Variants in CLIP1 observed in about 807,000 individuals in gnomAD.
The protein encoded by CLIP1 is CAP-Gly domain-containing linker protein 1.
A neutral mutation model predicts 161.6 loss-of-function variants in CLIP1; 66 were observed. The observed-to-expected ratio is 0.41, with a 90% CI of 0.33 to 0.50. CLIP1 has a LOEUF of 0.50. Ranked by LOEUF, CLIP1 falls within the 20% of genes least tolerant of loss-of-function variation. CLIP1 has a pLI of 0.27. For synonymous variants in CLIP1, 598 were observed against 626.2 expected, an observed-to-expected ratio of 0.96 and a Z score of 0.67; for missense variants, 1,376 against 1,702.0, an observed-to-expected ratio of 0.81 and a Z score of 3.37.
At chr12:122,356,880 T>G (rs1343833166) in intron 5 of CLIP1, among the ~76,000 whole-genome samples, 1 of 152,234 alleles carries the variant, frequency 6.6e-6, no homozygotes. Flanking sequence ...CTGCGAGTGA[T>G]CCGCCAGCCT....
At position 122,347,360 on chromosome 12, in the gene CLIP1, A is replaced by T; in HGVS notation, c.1506+15T>A. On this transcript the variant is annotated intron_variant, in intron 10 of 25. Coordinates refer to ENST00000620786, the MANE Select transcript of CLIP1 (RefSeq NM_001247997.2). ...CATGCATGGGTCTGCTTCATTAAAT[A>T]GTGAAAACCATTACCCTAGTGTCTT... The T allele has an allele frequency of 6.4e-7, 1 of 1,557,222 alleles. No individual in the cohort carries two copies. The highest frequency in any genetic ancestry group is 1.4e-5 in the African/African-American group (1 of 73,972).
Position 122,377,523 on chromosome 12 carries a change from C to G in CLIP1, c.523G>C (p.Ala175Pro). The G allele has an allele frequency of 6.2e-7, 1 of 1,613,988 alleles. No individual in the cohort carries two copies. The highest frequency in any genetic ancestry group is 8.5e-7 in the Non-Finnish European group (1 of 1,180,022). The change falls in exon 3 of 26, where the codon GCA becomes CCA. Residue 175 changes from alanine (A) to proline (P), a missense_variant. Physicochemically the swap from Ala to Pro is conservative, Grantham distance 27. This residue lies in a region of CLIP1 where 119 missense variants were observed against 112.0 expected (regional missense o/e 1.06). Transcript: ENST00000620786. ...SNIPQKPSQPAAKEPSATPPI... is the reference protein window; with the variant it reads ...SNIPQKPSQPPAKEPSATPPI... ...GGCGTAGCTGAAGGTTCCTTTGCTG[C>G]TGGCTGTGATGGTTTCTGAGGGATG... is the stretch of plus-strand genomic sequence containing the variant.
chr12:122,333,744 A>T (rs191474003), intron 14 of CLIP1, among the ~76,000 whole-genome samples: 36 of 152,350 alleles, frequency 2.4e-4, no homozygotes, highest in Middle Eastern at 3.4e-3. Context: ...CCCAAGGGTC[A>T]GCTGTCAGGG....
chr12:122,302,250 G>A (rs1241054760), intron 20 of CLIP1, among the ~76,000 whole-genome samples: 2 of 151,824 alleles, frequency 1.3e-5, no homozygotes, highest in African/African-American at 2.4e-5. Flanking sequence ...ACAGGCATGC[G>A]CCACCATGCC....
chr12:122,299,160 G>T (rs1950581522), intron 20 of CLIP1, among the ~76,000 whole-genome samples: 1 of 152,200 alleles, frequency 6.6e-6, no homozygotes, highest in South Asian at 2.1e-4. Flanking sequence ...TGCATCTTCT[G>T]TTCAGATGTA....
intron 1 of CLIP1, among the ~76,000 whole-genome samples, chr12:122,390,922 T>TA (rs1955631069): frequency 6.6e-6 from 1 of 152,100 alleles, no homozygotes; most frequent in Admixed American, 6.6e-5. Context: ...AAGCCCCAAC[T>TA]ACGCACCAGG....
chr12:122,340,134 G>A (rs1952429865), intron 11 of CLIP1, among the ~76,000 whole-genome samples: 1 of 150,904 alleles, frequency 6.6e-6, no homozygotes, highest in East Asian at 1.9e-4. Flanking sequence ...CTGGAGTGCA[G>A]TGGAATAATC....
rs538807763 is a variant in CLIP1 at position 122,359,104 on chromosome 12, A to C, written c.1005+1855T>G. Reference sequence around the variant, plus strand: ...ATAAAAACAAATAAAGAATGAATTAAATTTTTTTCAATTTTTGTTTTTCTA... The same window carrying C: ...ATAAAAACAAATAAAGAATGAATTACATTTTTTTCAATTTTTGTTTTTCTA... On this transcript the variant is annotated intron_variant, in intron 5 of 25. Coordinates refer to ENST00000620786, the MANE Select transcript of CLIP1 (RefSeq NM_001247997.2). Among the ~76,000 whole-genome samples, 3 of 152,338 alleles carry C rather than the reference A, an allele frequency of 2.0e-5. No homozygotes were observed. The East Asian group carries it at 5.8e-4, about 29-fold the overall frequency.
intron 14 of CLIP1, 77 bp downstream of exon 14, chr12:122,333,950 T>A: frequency 1.2e-6 from 1 of 848,380 alleles, no homozygotes; most frequent in Non-Finnish European, 2.0e-6. Context: ...ACATTTGTTA[T>A]GTAACATACT....
At chr12:122,340,230 G>A (rs953425137) in intron 11 of CLIP1, among the ~76,000 whole-genome samples, 3 of 151,974 alleles carry the variant, frequency 2.0e-5, no homozygotes, top group East Asian at 1.9e-4. Flanking sequence ...ACAGGTGTCC[G>A]CCACCATGCC....
intron 1 of CLIP1, among the ~76,000 whole-genome samples, chr12:122,411,261 T>C (rs1424024987): frequency 6.6e-6 from 1 of 151,718 alleles, no homozygotes; most frequent in Non-Finnish European, 1.5e-5. Flanking sequence ...ACTAAAACTA[T>C]AAAAATTAAC....
chr12:122,409,074 G>C (rs1956432906), intron 1 of CLIP1, among the ~76,000 whole-genome samples: 1 of 151,886 alleles, frequency 6.6e-6, no homozygotes, highest in Non-Finnish European at 1.5e-5. Context: ...GCCTCCCAGA[G>C]TGCTGGGATT....
chr12:122,322,398 G>A (rs1373226512), intron 17 of CLIP1: 1 of 152,664 alleles, frequency 6.6e-6, no homozygotes, highest in African/African-American at 2.4e-5. Context: ...GTCACCTCAT[G>A]GTTCCGCTGA....
chr12:122,300,112 C>A (rs1399235688), intron 20 of CLIP1, among the ~76,000 whole-genome samples: 1 of 151,992 alleles, frequency 6.6e-6, no homozygotes, highest in Non-Finnish European at 1.5e-5. Context: ...AACAAACCAA[C>A]CTGAAAAATT....
rs11057800 is a variant in CLIP1 at position 122,376,527 on chromosome 12, C to T, written c.657+862G>A. Reference sequence around the variant, plus strand: ...TGTCTCCTAGGCTGGAGTGCGGTGGCGCAATCTCGGCTCACTGCAAGCTCC... The same window carrying T: ...TGTCTCCTAGGCTGGAGTGCGGTGGTGCAATCTCGGCTCACTGCAAGCTCC... On this transcript the variant is annotated intron_variant, in intron 3 of 25. Transcript: ENST00000620786. Among the ~76,000 whole-genome samples, 934 of 152,060 alleles carry T rather than the reference C, an allele frequency of 6.1e-3. 6 individuals are homozygous for T. Among genetic ancestry groups the T allele is most frequent in the African/African-American group, 0.021 (873 of 41,472 alleles).
chr12:122,415,082 T>G (rs1956690013), intron 1 of CLIP1, among the ~76,000 whole-genome samples: 1 of 151,496 alleles, frequency 6.6e-6, no homozygotes, highest in African/African-American at 2.4e-5. Flanking sequence ...ATAAATAATT[T>G]TTTAAAAAAA....
chr12:122,412,982 C>G (rs1956597904), intron 1 of CLIP1, among the ~76,000 whole-genome samples: 1 of 152,144 alleles, frequency 6.6e-6, no homozygotes, highest in Non-Finnish European at 1.5e-5. Flanking sequence ...AAACTAGTCA[C>G]ATGGTTTCAT....
Position 122,322,223 on chromosome 12 carries a change from T to C in CLIP1, c.3250-2875A>G, listed in dbSNP as rs191237941. The C allele has an allele frequency of 2.6e-4, 39 of 152,786 alleles. No individual in the cohort carries two copies. In the East Asian group the frequency reaches 7.5e-3, roughly 29 times the overall value. The allele number at this position is 152,786 out of a possible 1,614,324, so 9.5% of individuals were successfully genotyped here. A position where few individuals can be genotyped will look rare whatever the true frequency, so the allele number is the denominator to read the frequency against. On this transcript the variant is annotated intron_variant, in intron 17 of 25. Coordinates refer to ENST00000620786, the MANE Select transcript of CLIP1 (RefSeq NM_001247997.2). The stretch of plus-strand genomic sequence containing the variant: ...AGATTCTAGGAGATTGGCTGAAATA[T>C]GGCTGTTGGTTTTGGCCAACTGGCT...
intron 1 of CLIP1, chr12:122,395,582 C>A (rs1955880898): frequency 6.6e-6 from 1 of 152,152 alleles, no homozygotes; most frequent in African/African-American, 2.4e-5. Flanking sequence ...AAATGTCCTT[C>A]CTCCTAAGAA....
Sources: allele counts gnomAD v4.1 joint callset (sites outside exome capture counted in the v4.1 genomes callset), GRCh38; gene constraint gnomAD v4.1.1; regional missense constraint gnomAD v4.1.1; transcripts MANE v1.5; gene names NCBI Gene and HGNC (gene_info 2026-07-23, HGNC 2026-07-21).